KIF2A: variants seen among roughly 807,000 people sequenced by gnomAD.
KIF2A encodes the protein kinesin-like protein KIF2A.
A neutral mutation model predicts 100.2 loss-of-function variants in KIF2A; 22 were observed. That is an observed-to-expected ratio of 0.22 (90% CI 0.16 to 0.31). The LOEUF is 0.31. Among genes scored for constraint, KIF2A ranks in the 10% least tolerant of loss-of-function variants. The pLI, the probability that KIF2A is intolerant of heterozygous loss-of-function variation, is 1.00. For synonymous variants in KIF2A, 268 were observed against 285.9 expected, an observed-to-expected ratio of 0.94 and a Z score of 0.63; for missense variants, 495 against 898.7, an observed-to-expected ratio of 0.55 and a Z score of 5.74.
chr5:62,357,157 C>A (rs545283594), intron 7 of KIF2A, among the ~76,000 whole-genome samples: 1 of 151,736 alleles, frequency 6.6e-6, no homozygotes, highest in South Asian at 2.1e-4. Context: ...AATCTCGGCC[C>A]GCTGCAACCT....
intron 18 of KIF2A, among the ~76,000 whole-genome samples, chr5:62,376,136 GC>G (rs774604030): frequency 6.6e-6 from 1 of 152,064 alleles, no homozygotes; most frequent in Non-Finnish European, 1.5e-5. Flanking sequence ...CATCTATTGG[GC>G]CTCTGTAGAG....
rs145403929 is a variant in KIF2A, at chr5:62,385,965, G to A, written c.*396G>A. ...GACTGAGCAGTTTTAAATCCTTTGCGTGCATGCATACCTCATCAGTGATTG... is the reference window on the plus strand; with the variant it reads ...GACTGAGCAGTTTTAAATCCTTTGCATGCATGCATACCTCATCAGTGATTG... On this transcript the variant is annotated 3_prime_UTR_variant, in exon 21 of 21. Transcript: ENST00000407818. 19 of 205,616 alleles carry A rather than the reference G, an allele frequency of 9.2e-5. No individual in the cohort carries two copies. Among genetic ancestry groups the A allele is most frequent in the Non-Finnish European group, 1.4e-4 (14 of 99,866 alleles). The allele number at this position is 205,616 out of a possible 1,614,324, so 12.7% of individuals were successfully genotyped here.
At chr5:62,358,972 C>A (rs1034702352) in intron 9 of KIF2A, among the ~76,000 whole-genome samples, 4 of 152,156 alleles carry the variant, frequency 2.6e-5, no homozygotes, top group African/African-American at 9.7e-5. Context: ...TTATGCCTGG[C>A]CAAAATACCT....
rs1233274854 is a variant in KIF2A at position 62,386,291 on chromosome 5, A to G, written c.*722A>G. ...TCTGGAATTATTATTTTAAAACCATATAACATGTGATTATAATTTTTCTTA... is the reference window on the plus strand; with the variant it reads ...TCTGGAATTATTATTTTAAAACCATGTAACATGTGATTATAATTTTTCTTA... On this transcript the variant is annotated 3_prime_UTR_variant, in exon 21 of 21. Transcript: ENST00000407818. 2.6e-5 allele frequency: 4 copies of G among 152,644 alleles called. No homozygotes were observed. In the East Asian group the frequency reaches 7.7e-4, roughly 29 times the overall value. The allele number at this position is 152,644 out of a possible 1,614,324, so 9.5% of individuals were successfully genotyped here. A position where few individuals can be genotyped will look rare whatever the true frequency, so the allele number is the denominator to read the frequency against.
At chr5:62,317,851 G>C (rs1347766845) in intron 1 of KIF2A, among the ~76,000 whole-genome samples, 5 of 152,178 alleles carry the variant, frequency 3.3e-5, no homozygotes, top group East Asian at 3.8e-4. Flanking sequence ...CAAATGCTCT[G>C]TGGCTCTGTA....
intron 4 of KIF2A, among the ~76,000 whole-genome samples, 172 bp from the exon 5 acceptor site, chr5:62,352,416 G>T (rs1747897885): frequency 6.6e-6 from 1 of 151,876 alleles, no homozygotes; most frequent in African/African-American, 2.4e-5. Context: ...TCAGTTTATT[G>T]AACAGAATTA....
intron 3 of KIF2A, 135 bp downstream of exon 3, chr5:62,348,302 C>T: frequency 5.5e-6 from 4 of 731,004 alleles, no homozygotes. Flanking sequence ...CCATCATATT[C>T]ATATATATAC....
chr5:62,381,344 C>A, intron 20 of KIF2A, 91 bp downstream of exon 20: 1 of 1,047,982 alleles, frequency 9.5e-7, no homozygotes, highest in Non-Finnish European at 1.4e-6. Flanking sequence ...AGAGGACATA[C>A]GAAGTGAAAA....
chr5:62,385,125 G>C (rs1413448979), intron 20 of KIF2A, among the ~76,000 whole-genome samples: 1 of 111,190 alleles, frequency 9.0e-6, no homozygotes, highest in African/African-American at 4.3e-5. Flanking sequence ...TTGGGTGACA[G>C]AGTGAGGACT....
intron 9 of KIF2A, among the ~76,000 whole-genome samples, chr5:62,360,409 G>T (rs1476355988): frequency 1.3e-5 from 2 of 152,142 alleles, no homozygotes; most frequent in African/African-American, 4.8e-5. Flanking sequence ...TCAAGGCCGG[G>T]TGCGGTGGCT....
rs185454811 is a variant in KIF2A at position 62,350,085 on chromosome 5, C to G, written c.299C>G (p.Ser100Cys). 1 of 1,590,064 alleles carries G rather than the reference C, an allele frequency of 6.3e-7. No individual in the cohort carries two copies. Among genetic ancestry groups the G allele is most frequent in the East Asian group, 2.3e-5 (1 of 44,382 alleles). The change falls in exon 4 of 21, where the codon TCT (serine) becomes TGT (cysteine). Residue 100 changes from serine to cysteine, a missense_variant. Around this residue, in one of 10 missense-constraint regions of KIF2A, gnomAD observed 115 missense variants for 143.6 expected, o/e 0.80. Coordinates refer to ENST00000407818, the MANE Select transcript of KIF2A (RefSeq NM_001098511.3). Reference sequence around the variant, plus strand: ...TCATAGAATCGACGGACTGTAGCTTCTATTAAGAATGACCCTCCTTCAAGA... The same window carrying G: ...TCATAGAATCGACGGACTGTAGCTTGTATTAAGAATGACCCTCCTTCAAGA... The part of the protein sequence containing the change: ...KIVKNRRTVA[S>C]IKNDPPSRDN...
At chr5:62,306,865 C>G (rs1469701258) in intron 1 of KIF2A, 2 of 347,012 alleles carry the variant, frequency 5.8e-6, no homozygotes, top group Non-Finnish European at 1.1e-5. Context: ...CCCGGGGACA[C>G]CAGCCCGGGA....
intron 13 of KIF2A, 49 bp downstream of exon 13, chr5:62,363,369 G>C: frequency 6.5e-7 from 1 of 1,549,994 alleles, no homozygotes; most frequent in Non-Finnish European, 8.8e-7. Context: ...TAGAAACTTT[G>C]GGTACAGTAT....
intron 1 of KIF2A, among the ~76,000 whole-genome samples, chr5:62,341,141 A>G (rs1747270877): frequency 6.6e-6 from 1 of 152,196 alleles, no homozygotes. Context: ...AAGGCAACAT[A>G]ATTCTCAGTC....
At position 62,377,684 on chromosome 5, in the gene KIF2A, GT is replaced by G; in HGVS notation, c.1938del (p.Phe646LeufsTer11). 6.5e-7 allele frequency: 1 copy of G among 1,549,088 alleles called. No individual in the cohort carries two copies. Among genetic ancestry groups the G allele is most frequent in the Non-Finnish European group, 8.7e-7 (1 of 1,143,264 alleles). On this transcript the variant is annotated frameshift_variant, in exon 19 of 21. Coordinates refer to ENST00000407818, the MANE Select transcript of KIF2A (RefSeq NM_001098511.3). LOFTEE classifies it high-confidence loss of function. The part of the protein sequence containing the change: ...QNEEEVSPQL[F>X]TFHEAVSQMV... ...AGGAAGAAGAAGTCTCTCCACAGTTGTTTACTTTCCACGAAGCTGTTTCACA... is the reference window on the plus strand; with the variant it reads ...AGGAAGAAGAAGTCTCTCCACAGTTGTTACTTTCCACGAAGCTGTTTCACA...
intron 1 of KIF2A, among the ~76,000 whole-genome samples, chr5:62,342,319 G>A (rs1747337254): frequency 6.6e-6 from 1 of 152,050 alleles, no homozygotes; most frequent in South Asian, 2.1e-4. Flanking sequence ...GGCTCTCTGG[G>A]GTCCACTCTT....
rs4024077 is a variant in KIF2A, at chr5:62,376,406, T to TTTTGTTTG, written c.1912-1235_1912-1228dup. On this transcript the variant is annotated intron_variant, in intron 18 of 20. Coordinates refer to ENST00000407818, the MANE Select transcript of KIF2A (RefSeq NM_001098511.3). Reference sequence around the variant, plus strand: ...ACGCTCTAGAGATCGGAGAAGTTTTTTTTGTTTGTTTGTTTGTTTGTTTGT... The same window carrying TTTTGTTTG: ...ACGCTCTAGAGATCGGAGAAGTTTTTTTTGTTTGTTTGTTTGTTTGTTTGTTTGTTTGT... Among the ~76,000 whole-genome samples, 5 of 151,540 alleles carry TTTTGTTTG rather than the reference T, an allele frequency of 3.3e-5. No homozygotes were observed. In the East Asian group the frequency reaches 5.9e-4, roughly 18 times the overall value.
At chr5:62,319,711 T>G (rs1746008249) in intron 1 of KIF2A, among the ~76,000 whole-genome samples, 1 of 152,226 alleles carries the variant, frequency 6.6e-6, no homozygotes, top group Non-Finnish European at 1.5e-5. Context: ...TATTCAAGTT[T>G]TGACATTCTA....
chr5:62,306,289 C>T lies in KIF2A; in HGVS notation c.-184C>T. 1.8e-6 allele frequency: 1 copy of T among 566,072 alleles called. No homozygotes were observed. The highest frequency in any genetic ancestry group is 3.1e-6 in the Non-Finnish European group (1 of 320,430). 35.1% of individuals were successfully genotyped at this position (566,072 alleles called of 1,614,324 possible). ...GCGCGTCCTCCTGCCGGCCTGCAGG[C>T]CCGGGGCCTCCGCCTGCTTCCCCAC... On this transcript the variant is annotated 5_prime_UTR_variant, in exon 1 of 21. Coordinates refer to ENST00000407818, the MANE Select transcript of KIF2A (RefSeq NM_001098511.3).
Sources: allele counts gnomAD v4.1 joint callset (sites outside exome capture counted in the v4.1 genomes callset), GRCh38; gene constraint gnomAD v4.1.1; regional missense constraint gnomAD v4.1.1; transcripts MANE v1.5; gene names NCBI Gene and HGNC (gene_info 2026-07-23, HGNC 2026-07-21).